TSC2: variants seen among roughly 807,000 people sequenced by gnomAD.
TSC2 encodes the protein TSC complex subunit 2.
Under a neutral mutation model 202.2 loss-of-function variants are expected in TSC2, and 29 were observed. The ratio of observed to expected loss-of-function variants is 0.14; its 90% CI spans 0.11 to 0.20. The LOEUF (loss-of-function observed/expected upper bound fraction) is 0.20, where lower values mean the gene tolerates loss of function less well. Ranked by LOEUF, TSC2 falls within the 10% of genes least tolerant of loss-of-function variation. TSC2 has a pLI of 1.00. For missense variants in TSC2, 2,429 were observed against 2,420.0 expected (o/e 1.00, Z -0.08); for synonymous variants, 1,349 against 1,044.0 (o/e 1.29, Z -5.63).
intron 4 of TSC2, 25 bp from the exon 5 acceptor site, chr16:2,054,271 C>G (rs2085492487): frequency 6.2e-7 from 1 of 1,614,056 alleles, no homozygotes; most frequent in South Asian, 1.1e-5. Flanking sequence ...GCAGGCTCTG[C>G]TGATCCTGTG....
intron 8 of TSC2, 164 bp downstream of exon 8, chr16:2,056,933 G>A: frequency 7.1e-7 from 1 of 1,402,726 alleles, no homozygotes; most frequent in South Asian, 1.2e-5. Flanking sequence ...TGAGGTCAGG[G>A]TTTTGGTGGC....
intron 16 of TSC2, among the ~76,000 whole-genome samples, chr16:2,069,519 G>A (rs552150466): frequency 3.4e-5 from 5 of 147,832 alleles, no homozygotes; most frequent in Non-Finnish European, 4.5e-5. Flanking sequence ...TTGCTCTGTC[G>A]CCCAGGCTGG....
intron 30 of TSC2, chr16:2,081,132 C>T (rs1017983590): frequency 3.7e-6 from 1 of 273,254 alleles, no homozygotes; most frequent in Non-Finnish European, 7.2e-6. Context: ...GAGACAGTCC[C>T]GTTCTGAGTT....
At chr16:2,076,750 C>T in intron 25 of TSC2, 165 bp downstream of exon 25, 3 of 709,958 alleles carry the variant, frequency 4.2e-6, no homozygotes, top group Non-Finnish European at 7.1e-6. Context: ...CACCCCTCAG[C>T]CCCTCAGCAG....
chr16:2,065,222 G>C (rs951333154), intron 15 of TSC2: 3 of 371,904 alleles, frequency 8.1e-6, no homozygotes, highest in African/African-American at 6.3e-5. Context: ...GACCATCCTG[G>C]CTAACACGGT....
chr16:2,088,205 CA>C (rs2091121010), intron 40 of TSC2, 21 bp from the exon 41 acceptor site: 1 of 1,612,924 alleles, frequency 6.2e-7, no homozygotes, highest in African/African-American at 1.3e-5. Context: ...ATAGTGAGCT[CA>C]CCCCCTGCCT....
chr16:2,064,444 C>T lies in TSC2; in HGVS notation c.1599+17C>T, dbSNP rs1438908951. ...ATCGAGAAGGTGAGAGCCGTTGTAC[C>T]CGGGGCCGGGTGCTAGCGTGCCAGA... is the stretch of plus-strand genomic sequence containing the variant. On this transcript the variant is annotated intron_variant, in intron 15 of 41. Transcript: ENST00000219476. 2.5e-6 allele frequency: 4 copies of T among 1,612,664 alleles called. No individual in the cohort carries two copies. The highest frequency in any genetic ancestry group is 2.5e-6 in the Non-Finnish European group (3 of 1,179,998).
chr16:2,061,576 T>A (rs2086639771), intron 11 of TSC2: 1 of 468,886 alleles, frequency 2.1e-6, no homozygotes, highest in Non-Finnish European at 4.0e-6. Flanking sequence ...CCTTGGGGGG[T>A]GGGGTACGGG....
At position 2,079,493 on chromosome 16, in the gene TSC2, C is replaced by T. The variant is rs2089856901; in HGVS notation, c.3285-64C>T. ...ACACCGGCTGTCCCGAGCCCAGGCCCACGTGGCACCCTCGTACCAGCCTGG... is the reference window on the plus strand; with the variant it reads ...ACACCGGCTGTCCCGAGCCCAGGCCTACGTGGCACCCTCGTACCAGCCTGG... On this transcript the variant is annotated intron_variant, in intron 28 of 41. Coordinates refer to ENST00000219476, the MANE Select transcript of TSC2 (RefSeq NM_000548.5). The surrounding 1 kb of genome is among the most constrained non-coding windows in gnomAD (Gnocchi z 4.6). The T allele has an allele frequency of 1.2e-5, 20 of 1,608,900 alleles. No homozygotes were observed. The South Asian group carries it at 2.1e-4, about 17-fold the overall frequency.
rs547147351 is a variant in TSC2 at position 2,081,051 on chromosome 16, A to G, written c.3611-544A>G. On this transcript the variant is annotated intron_variant, in intron 30 of 41. Transcript: ENST00000219476. ...GCGTGTTAATCTCCTCTTGGGAGGAAACCGGTCATGGCTTAGGGTCCGCTC... is the reference window on the plus strand; with the variant it reads ...GCGTGTTAATCTCCTCTTGGGAGGAGACCGGTCATGGCTTAGGGTCCGCTC... 1.4e-4 allele frequency: 27 copies of G among 191,776 alleles called. No individual in the cohort carries two copies. The South Asian group carries it at 2.7e-3, about 19-fold the overall frequency. 11.9% of individuals were successfully genotyped at this position (191,776 alleles called of 1,614,324 possible). A position where few individuals can be genotyped will look rare whatever the true frequency, so the allele number is the denominator to read the frequency against.
intron 8 of TSC2, 112 bp from the exon 9 acceptor site, chr16:2,056,993 T>C: frequency 1.4e-6 from 2 of 1,440,986 alleles, no homozygotes; most frequent in Non-Finnish European, 1.9e-6. Context: ...GGTGGCGAGC[T>C]GGCCGGACCT....
intron 21 of TSC2, 133 bp from the exon 22 acceptor site, chr16:2,074,067 T>TC: frequency 1.7e-6 from 2 of 1,169,868 alleles, no homozygotes; most frequent in South Asian, 2.6e-5. Context: ...CACTGCTGGC[T>TC]CTGCCCCACA....
chr16:2,061,035 A>G (rs1270313714), intron 11 of TSC2: 1 of 612,494 alleles, frequency 1.6e-6, no homozygotes, highest in Non-Finnish European at 2.8e-6. Context: ...AGGAATATGC[A>G]GTAGGTGAGC....
At chr16:2,061,117 C>T (rs374861997) in intron 11 of TSC2, 53 of 443,498 alleles carry the variant, frequency 1.2e-4, no homozygotes, top group African/African-American at 6.4e-4. Context: ...GAGTGGGCCC[C>T]GGCACAGTTC....
intron 2 of TSC2, 39 bp downstream of exon 2, chr16:2,048,792 A>T: frequency 1.2e-6 from 2 of 1,613,630 alleles, no homozygotes; most frequent in Non-Finnish European, 1.7e-6. Context: ...GCTAGAGGGA[A>T]ATGCAGAGAA....
chr16:2,081,375 C>T (rs2090123702), intron 30 of TSC2: 1 of 631,530 alleles, frequency 1.6e-6, no homozygotes, highest in Non-Finnish European at 2.8e-6. Flanking sequence ...GAGGCCGCTG[C>T]TCTGAGGTGC....
chr16:2,080,751 T>C (rs531291785), intron 30 of TSC2: 6 of 271,836 alleles, frequency 2.2e-5, no homozygotes, highest in East Asian at 9.3e-5. Context: ...CCCAAAGTGC[T>C]GGGATTACAG....
intron 25 of TSC2, 146 bp from the exon 26 acceptor site, chr16:2,077,452 G>C (rs1379186260): frequency 8.4e-7 from 1 of 1,194,228 alleles, no homozygotes; most frequent in Non-Finnish European, 1.2e-6. Context: ...CTTTGGCATG[G>C]CTCTTTTTGC....
chr16:2,075,593 C>T (rs987446236), intron 22 of TSC2, among the ~76,000 whole-genome samples: 4 of 149,760 alleles, frequency 2.7e-5, no homozygotes, highest in South Asian at 4.2e-4. Flanking sequence ...AAATGGTAGG[C>T]GACAGCTCGA....
Sources: allele counts gnomAD v4.1 joint callset (sites outside exome capture counted in the v4.1 genomes callset), GRCh38; gene constraint gnomAD v4.1.1; non-coding constraint Gnocchi (gnomAD v3.1); transcripts MANE v1.5; gene names NCBI Gene and HGNC (gene_info 2026-07-23, HGNC 2026-07-21).